The following WDR27 variants were observed in gnomAD, a reference collection of about 807,000 sequenced individuals.
WDR27 encodes the protein WD repeat-containing protein 27.
In WDR27, 100 loss-of-function variants were observed where a neutral mutation model predicts 114.4. The observed-to-expected ratio is 0.87, with a 90% CI of 0.74 to 1.03. The LOEUF is 1.03. Ranked by LOEUF, WDR27 falls within the 50% of genes least tolerant of loss-of-function variation. WDR27 has a pLI of 0.00. For synonymous variants in WDR27, 449 were observed against 423.1 expected, an observed-to-expected ratio of 1.06 and a Z score of -0.75; for missense variants, 1,129 against 1,092.9, an observed-to-expected ratio of 1.03 and a Z score of -0.47.
chr6:169,661,510 G>C (rs1260273802), intron 9 of WDR27, among the ~76,000 whole-genome samples: 1 of 152,186 alleles, frequency 6.6e-6, no homozygotes, highest in Non-Finnish European at 1.5e-5. Context: ...AGCACCCTGG[G>C]CTCCTCCTGG....
rs1023131540 is a variant in WDR27 at position 169,582,167 on chromosome 6, G to A, written c.2523+669C>T. On this transcript the variant is annotated intron_variant, in intron 24 of 25. Coordinates refer to ENST00000448612, the MANE Select transcript of WDR27 (RefSeq NM_182552.5). ...TTTTGTATTTTTTAGTAGAGATGGC[G>A]TTTCGCCATGTTGGCCAGGCTGGTC... 1.2e-4 allele frequency among the ~76,000 whole-genome samples: 19 copies of A among 152,212 alleles called. 1 individual carries two copies. In the Middle Eastern group the frequency reaches 0.014, roughly 109 times the overall value.
chr6:169,642,929 T>G (rs1819606908), intron 17 of WDR27, among the ~76,000 whole-genome samples: 1 of 152,214 alleles, frequency 6.6e-6, no homozygotes, highest in South Asian at 2.1e-4. Context: ...TTTTGGAGTA[T>G]TTGCATTATG....
At position 169,613,563 on chromosome 6, in the gene WDR27, G is replaced by A; in HGVS notation, c.2317C>T (p.Leu773=). ...DGMRLWDLRT[L]RCERHFEGHP... ...CAGGGCGCAGGACAGCCTTACCTCA[G>A]GGTTCTCAGGTCCCACAGTCTCATC... is the stretch of plus-strand genomic sequence containing the variant. The change falls in exon 22 of 26, where the codon CTG becomes TTG. Residue 773 remains leucine (L), a synonymous_variant. Transcript: ENST00000448612. The A allele has an allele frequency of 6.2e-7, 1 of 1,613,702 alleles. No homozygotes were observed. Among genetic ancestry groups the A allele is most frequent in the Non-Finnish European group, 8.5e-7 (1 of 1,179,696 alleles).
chr6:169,625,628 G>A (rs1043783742), intron 21 of WDR27, among the ~76,000 whole-genome samples: 3 of 152,212 alleles, frequency 2.0e-5, no homozygotes, highest in African/African-American at 7.2e-5. Flanking sequence ...CTCACTGTCA[G>A]GTGGGTGCAG....
At chr6:169,462,490 G>GAAAGAAAGAAAGAAAGAAAGAAAGAA (rs376383197) in intron 25 of WDR27, among the ~76,000 whole-genome samples, 4 of 149,850 alleles carry the variant, frequency 2.7e-5, no homozygotes, top group African/African-American at 1.0e-4. Flanking sequence ...GAGAGAGAGA[G>GAAAGAAAGAAAGAAAGAAAGAAAGAA]AGAAAGAAAG....
chr6:169,436,530 G>A, the WDR27 span, among the ~76,000 whole-genome samples: 69 of 152,066 alleles, frequency 4.5e-4, no homozygotes, highest in African/African-American at 1.6e-3. Context: ...TTCACATGCT[G>A]TTAAAAAAAT....
At chr6:169,657,605 T>C (rs555721826) in intron 13 of WDR27, among the ~76,000 whole-genome samples, 7 of 152,128 alleles carry the variant, frequency 4.6e-5, no homozygotes, top group Non-Finnish European at 1.0e-4. Context: ...GTTAGACTGG[T>C]CACTGAAGGG....
chr6:169,631,755 G>T (rs1342161843), intron 21 of WDR27, among the ~76,000 whole-genome samples: 1 of 152,138 alleles, frequency 6.6e-6, no homozygotes, highest in African/African-American at 2.4e-5. Flanking sequence ...CCTTTATCCA[G>T]AAAAGATGCA....
intron 25 of WDR27, among the ~76,000 whole-genome samples, chr6:169,511,006 A>T (rs768435829): frequency 2.0e-5 from 3 of 152,200 alleles, no homozygotes; most frequent in Non-Finnish European, 4.4e-5. Flanking sequence ...CAGCAGCTTT[A>T]TACATTGCTC....
chr6:169,435,325 C>T, the WDR27 span, among the ~76,000 whole-genome samples: 1 of 152,184 alleles, frequency 6.6e-6, no homozygotes, highest in Non-Finnish European at 1.5e-5. Context: ...GGGGCATTGC[C>T]TAGTGGAGCT....
chr6:169,623,961 T>C (rs1169824248), intron 21 of WDR27, among the ~76,000 whole-genome samples: 1 of 152,074 alleles, frequency 6.6e-6, no homozygotes, highest in East Asian at 1.9e-4. Context: ...CAAAACCAGC[T>C]AACAGGCAGC....
At chr6:169,634,700 A>C (rs911788696) in intron 19 of WDR27, among the ~76,000 whole-genome samples, 175 bp from the exon 20 acceptor site, 2 of 152,194 alleles carry the variant, frequency 1.3e-5, no homozygotes, top group African/African-American at 4.8e-5. Context: ...TTTAGGAAAA[A>C]AAACCTGTTT....
At chr6:169,647,237 G>A (rs1820972329) in intron 16 of WDR27, among the ~76,000 whole-genome samples, 2 of 152,230 alleles carry the variant, frequency 1.3e-5, no homozygotes, top group Admixed American at 1.3e-4. Flanking sequence ...GGACACACGT[G>A]AGAATCGGGC....
In WDR27 at chr6:169,660,690, C is replaced by T. The variant is rs777764639; in HGVS notation, c.1102G>A (p.Glu368Lys). ...TTGTAATACAAAGCAGCTTCCACTTCCAGGTTTGCCAGGTTAAATACGAAT... is the reference window on the plus strand; with the variant it reads ...TTGTAATACAAAGCAGCTTCCACTTTCAGGTTTGCCAGGTTAAATACGAAT... ...GLFVFNLANL[E>K]VEAALYYKDF... The change falls in exon 10 of 26, where the codon GAA becomes AAA. Residue 368 changes from glutamate (E) to lysine (K), a missense_variant. Coordinates refer to ENST00000448612, the MANE Select transcript of WDR27 (RefSeq NM_182552.5). 3 of 1,613,968 alleles carry T rather than the reference C, an allele frequency of 1.9e-6. No homozygotes were observed. In the Admixed American group the frequency reaches 5.0e-5, roughly 27 times the overall value.
chr6:169,453,611 TA>T (rs1310583085), downstream of WDR27, among the ~76,000 whole-genome samples: 1 of 152,220 alleles, frequency 6.6e-6, no homozygotes, highest in African/African-American at 2.4e-5. Flanking sequence ...ACCTAATTTC[TA>T]CTGACCAGTC....
intron 1 of WDR27, among the ~76,000 whole-genome samples, chr6:169,692,973 A>G (rs530185997): frequency 3.3e-5 from 5 of 152,206 alleles, no homozygotes; most frequent in Non-Finnish European, 7.3e-5. Flanking sequence ...CTAACACAGC[A>G]GCTGATATTC....
chr6:169,664,267 A>C lies in WDR27; in HGVS notation c.803T>G (p.Met268Arg). The change falls in exon 8 of 26, where the codon ATG becomes AGG. Residue 268 changes from methionine to arginine, a missense_variant. By Grantham distance (91) the Met-to-Arg change is moderately conservative. Coordinates refer to ENST00000448612, the MANE Select transcript of WDR27 (RefSeq NM_182552.5). Reference sequence around the variant, plus strand: ...CACACGACGATAATGGTGTCCATCCATCAAACTGAAGATCCAAAGCTACAA... The same window carrying C: ...CACACGACGATAATGGTGTCCATCCCTCAAACTGAAGATCCAAAGCTACAA... ...ADGQLWIFSL[M>R]DGHHYRRVAR... The C allele has an allele frequency of 6.2e-7, 1 of 1,613,964 alleles. No homozygotes were observed. The highest frequency in any genetic ancestry group is 1.3e-5 in the African/African-American group (1 of 75,052).
At chr6:169,577,374 G>A (rs1802559140) in intron 24 of WDR27, among the ~76,000 whole-genome samples, 1 of 152,226 alleles carries the variant, frequency 6.6e-6, no homozygotes, top group Non-Finnish European at 1.5e-5. Context: ...GGGCATCTGC[G>A]AACGGGCGGC....
At chr6:169,676,211 T>C (rs551218417) in intron 2 of WDR27, among the ~76,000 whole-genome samples, 12 of 152,318 alleles carry the variant, frequency 7.9e-5, no homozygotes, top group Non-Finnish European at 1.3e-4. Context: ...TCTTTATAAA[T>C]TACCCAGTCT....
Sources: allele counts gnomAD v4.1 joint callset (sites outside exome capture counted in the v4.1 genomes callset), GRCh38; gene constraint gnomAD v4.1.1; transcripts MANE v1.5; gene names NCBI Gene and HGNC (gene_info 2026-07-23, HGNC 2026-07-21).